Variants in GRK3 observed in about 807,000 individuals in gnomAD.
GRK3 encodes adrenergic, beta, receptor kinase 2.
A neutral mutation model predicts 95.7 loss-of-function variants in GRK3; 54 were observed. The observed-to-expected ratio is 0.56, with a 90% CI of 0.45 to 0.71. GRK3 has a LOEUF of 0.71. Ranked by LOEUF, GRK3 falls within the 30% of genes least tolerant of loss-of-function variation. GRK3 has a pLI of 0.00. For missense variants in GRK3, 649 were observed against 851.2 expected, an observed-to-expected ratio of 0.76 and a Z score of 2.96; for synonymous variants, 281 against 290.8, an observed-to-expected ratio of 0.97 and a Z score of 0.34.
intron 1 of GRK3, among the ~76,000 whole-genome samples, chr22:25,589,340 C>T (rs545097925): frequency 1.3e-5 from 2 of 152,222 alleles, no homozygotes; most frequent in East Asian, 1.9e-4. Flanking sequence ...CTATTCTTGG[C>T]CCGTAGGGAG....
Position 25,658,071 on chromosome 22 carries a change from C to T in GRK3, c.265-3505C>T, listed in dbSNP as rs563343635. 7.2e-5 allele frequency among the ~76,000 whole-genome samples: 11 copies of T among 152,010 alleles called. No individual in the cohort carries two copies. In the East Asian group the frequency reaches 1.2e-3, roughly 16 times the overall value. On this transcript the variant is annotated intron_variant, in intron 3 of 20. Transcript: ENST00000324198. ...TGCTGCTATTTCCTATCTTTTTATT[C>T]GTTACATGAATATTTTCTGTTAACA...
At chr22:25,648,223 A>G (rs1342653244) in intron 3 of GRK3, 1 of 766,454 alleles carries the variant, frequency 1.3e-6, no homozygotes, top group African/African-American at 1.7e-5. Flanking sequence ...GTAAGGGGTG[A>G]CAATGTGAAA....
intron 17 of GRK3, among the ~76,000 whole-genome samples, chr22:25,712,920 A>G (rs2085355395): frequency 6.6e-6 from 1 of 152,246 alleles, no homozygotes. Context: ...TGAGTCCAGC[A>G]GGGAGGGCAG....
At chr22:25,613,663 T>C (rs1355301308) in intron 2 of GRK3, among the ~76,000 whole-genome samples, 1 of 151,470 alleles carries the variant, frequency 6.6e-6, no homozygotes, top group Non-Finnish European at 1.5e-5. Flanking sequence ...GAGGAAAAGC[T>C]GTTTCTTACA....
chr22:25,662,493 A>G (rs1569184000), intron 4 of GRK3, among the ~76,000 whole-genome samples: 3 of 152,172 alleles, frequency 2.0e-5, no homozygotes, highest in Non-Finnish European at 2.9e-5. Flanking sequence ...AGCAAGTCCT[A>G]TTGGACAGCA....
At chr22:25,589,844 TGAA>T (rs1044468925) in intron 1 of GRK3, among the ~76,000 whole-genome samples, 3 of 151,952 alleles carry the variant, frequency 2.0e-5, no homozygotes, top group African/African-American at 7.3e-5. Flanking sequence ...TGGTGGAAGG[TGAA>T]GGAGGAGCAA....
chr22:25,680,612 T>C (rs1205620011), intron 9 of GRK3, among the ~76,000 whole-genome samples: 2 of 152,218 alleles, frequency 1.3e-5, no homozygotes, highest in Non-Finnish European at 2.9e-5. Flanking sequence ...AGTTTCTCAC[T>C]GGTGTAACCC....
Position 25,565,127 on chromosome 22 carries a change from C to G in GRK3, c.87C>G (p.Ser29Arg). 1 of 1,548,072 alleles carries G rather than the reference C, an allele frequency of 6.5e-7. No individual in the cohort carries two copies. Among genetic ancestry groups the G allele is most frequent in the Non-Finnish European group, 8.7e-7 (1 of 1,150,834 alleles). Residue 29 changes from serine (S) to arginine (R), a missense_variant, in exon 1 of 21, where the codon AGC (serine) becomes AGG (arginine). Ser to Arg is a moderately radical substitution (Grantham distance 110, BLOSUM62 -1). Transcript: ENST00000324198. ...KSKATPAARA[S>R]KRIVLPEPSI... ...AGGCGACCCCGGCCGCCCGCGCCAG[C>G]AAGAGGATCGTCCTGCCGGAGCCCA...
chr22:25,687,681 A>G lies in GRK3; in HGVS notation c.957+14A>G. ...AGAGATTTGAAGGTGAGGACGATTG[A>G]CAGACTCATTCTGCATAGTAGGTAT... is the stretch of plus-strand genomic sequence containing the variant. On this transcript the variant is annotated intron_variant, in intron 11 of 20. Transcript: ENST00000324198. The G allele has an allele frequency of 6.2e-7, 1 of 1,614,002 alleles. No individual in the cohort carries two copies. The highest frequency in any genetic ancestry group is 1.7e-5 in the Admixed American group (1 of 60,010).
At chr22:25,584,790 T>C (rs1932236738) in intron 1 of GRK3, among the ~76,000 whole-genome samples, 1 of 152,282 alleles carries the variant, frequency 6.6e-6, no homozygotes, top group Admixed American at 6.5e-5. Flanking sequence ...TTTCTTTTTT[T>C]AGTCAAGATG....
chr22:25,716,727 T>C (rs2146471387), intron 18 of GRK3, among the ~76,000 whole-genome samples: 1 of 152,036 alleles, frequency 6.6e-6, no homozygotes, highest in East Asian at 1.9e-4. Context: ...AGAATAACAA[T>C]ACAACAATAA....
intron 2 of GRK3, among the ~76,000 whole-genome samples, chr22:25,606,416 T>C (rs2084448853): frequency 6.6e-6 from 1 of 152,142 alleles, no homozygotes; most frequent in South Asian, 2.1e-4. Flanking sequence ...GCTCCCCGTT[T>C]TTCTCTGTAG....
intron 18 of GRK3, among the ~76,000 whole-genome samples, chr22:25,716,253 G>A (rs927795554): frequency 2.6e-5 from 4 of 152,194 alleles, no homozygotes; most frequent in Non-Finnish European, 4.4e-5. Flanking sequence ...CTCCCAAAGT[G>A]CTGGGATTAC....
intron 5 of GRK3, among the ~76,000 whole-genome samples, 163 bp downstream of exon 5, chr22:25,663,867 C>G (rs1251408901): frequency 6.6e-6 from 1 of 152,230 alleles, no homozygotes; most frequent in East Asian, 1.9e-4. Context: ...TATCGCTTAT[C>G]TTCCCATTGC....
intron 16 of GRK3, 60 bp downstream of exon 16, chr22:25,710,024 T>C: frequency 7.9e-7 from 1 of 1,261,158 alleles, no homozygotes. Flanking sequence ...CCCGCTCATC[T>C]CTGTCTCAGT....
Position 25,725,505 on chromosome 22 carries a change from C to T in GRK3, c.*3055C>T. The T allele has an allele frequency of 2.5e-6, 1 of 398,474 alleles. No homozygotes were observed. The allele number at this position is 398,474 out of a possible 1,614,324, so 24.7% of individuals were successfully genotyped here. On this transcript the variant is annotated 3_prime_UTR_variant, in exon 21 of 21. Transcript: ENST00000324198. ...CATTCATCCCCTCATGTCATGGGGG[C>T]TCATTGGTTTTCCTTCTTTGTCATA...
rs373857307 is a variant in GRK3, at chr22:25,644,648, G to A, written c.247G>A (p.Val83Met). The A allele has an allele frequency of 9.6e-6, 15 of 1,566,716 alleles. No homozygotes were observed. The African/African-American group carries it at 1.9e-4, about 20-fold the overall frequency. ...TGAAATTAATGAAGCTGTACCTCAG[G>A]TGAAGTTTTATGAAGAGGTAAGAAG... is the stretch of plus-strand genomic sequence containing the variant. Reference protein sequence around the residue: ...LNEINEAVPQVKFYEEIKEYE... With the variant: ...LNEINEAVPQMKFYEEIKEYE... The change falls in exon 3 of 21, where the codon GTG becomes ATG. Residue 83 changes from valine (V) to methionine (M), a missense_variant. By Grantham distance (21) the Val-to-Met change is conservative (BLOSUM62 1). Coordinates refer to ENST00000324198, the MANE Select transcript of GRK3 (RefSeq NM_005160.4).
chr22:25,594,678 AC>A (rs1156371527), intron 1 of GRK3, among the ~76,000 whole-genome samples: 3 of 152,120 alleles, frequency 2.0e-5, no homozygotes, highest in Non-Finnish European at 4.4e-5. Context: ...GGAGATCGAG[AC>A]CATCCTGGCT....
intron 3 of GRK3, chr22:25,648,617 T>G: frequency 1.8e-6 from 2 of 1,132,328 alleles, no homozygotes; most frequent in Non-Finnish European, 2.7e-6. Flanking sequence ...TATATGCTGT[T>G]GTTTCTGAAG....
Sources: allele counts gnomAD v4.1 joint callset (sites outside exome capture counted in the v4.1 genomes callset), GRCh38; gene constraint gnomAD v4.1.1; transcripts MANE v1.5; gene names NCBI Gene and HGNC (gene_info 2026-07-23, HGNC 2026-07-21).